The following SAMD5 variants were observed in gnomAD, a reference collection of about 807,000 sequenced individuals.
SAMD5 encodes sterile alpha motif domain containing 5, also known as sterile alpha motif domain-containing protein 5.
In SAMD5, 13 loss-of-function variants were observed where a neutral mutation model predicts 11.3. The ratio of observed to expected loss-of-function variants is 1.15; its 90% CI spans 0.75 to 1.83. The LOEUF (loss-of-function observed/expected upper bound fraction) is 1.83, where lower values mean the gene tolerates loss of function less well. Among genes scored for constraint, SAMD5 ranks in the 40% most tolerant of loss-of-function variants. The pLI is 0.00. For missense variants in SAMD5, 255 were observed against 239.1 expected (o/e 1.07, Z -0.44); for synonymous variants, 129 against 111.3 (o/e 1.16, Z -1.00).
At chr6:147,680,802 TA>T (rs1258281923) in intron 1 of SAMD5, among the ~76,000 whole-genome samples, 4 of 152,164 alleles carry the variant, frequency 2.6e-5, no homozygotes, top group Non-Finnish European at 5.9e-5. Context: ...TTAACATGAT[TA>T]AAATTTGGAT....
At chr6:147,708,720 G>A (rs769601348) in intron 1 of SAMD5, among the ~76,000 whole-genome samples, 8 of 152,120 alleles carry the variant, frequency 5.3e-5, no homozygotes, top group East Asian at 1.9e-4. Flanking sequence ...TTTATGGATC[G>A]ACTGTATCCA....
the SAMD5 span, among the ~76,000 whole-genome samples, chr6:147,854,612 CA>C: frequency 6.6e-6 from 1 of 152,218 alleles, no homozygotes; most frequent in Middle Eastern, 3.4e-3. Context: ...TAAATGTTAT[CA>C]ACAATGCTGT....
the SAMD5 span, among the ~76,000 whole-genome samples, chr6:147,774,175 A>C: frequency 2.0e-5 from 3 of 152,058 alleles, no homozygotes; most frequent in Non-Finnish European, 4.4e-5. Flanking sequence ...TAACCCATTC[A>C]TGAGGGCTCT....
chr6:147,939,095 CT>C, the SAMD5 span, among the ~76,000 whole-genome samples: 1 of 152,144 alleles, frequency 6.6e-6, no homozygotes, highest in Non-Finnish European at 1.5e-5. Context: ...CAGGTAGACA[CT>C]TTACTTACCA....
At chr6:147,756,835 G>A in the SAMD5 span, among the ~76,000 whole-genome samples, 1 of 152,160 alleles carries the variant, frequency 6.6e-6, no homozygotes, top group African/African-American at 2.4e-5. Context: ...TCTGATAGTC[G>A]TGTCGTGTAG....
At chr6:147,709,071 T>C (rs938476618) in intron 1 of SAMD5, among the ~76,000 whole-genome samples, 4 of 152,238 alleles carry the variant, frequency 2.6e-5, no homozygotes, top group African/African-American at 9.6e-5. Flanking sequence ...TTTTTTTAAA[T>C]ATCAGCTTTA....
At chr6:147,817,036 C>T in the SAMD5 span, among the ~76,000 whole-genome samples, 2 of 152,074 alleles carry the variant, frequency 1.3e-5, no homozygotes, top group Admixed American at 6.6e-5. Context: ...ATGGAGACCC[C>T]GCCTGGTTCA....
In SAMD5 at chr6:147,565,477, T is replaced by C. The variant is rs1789022433; in HGVS notation, c.*1021T>C. 1.0e-6 allele frequency: 1 copy of C among 955,852 alleles called. No homozygotes were observed. 59.2% of individuals were successfully genotyped at this position (955,852 alleles called of 1,614,324 possible). ...TGGATGCTGGTAGTTTTTTTTTTTT[T>C]AGACAGAGTCTCGCTCTGTCACCCA... is the stretch of plus-strand genomic sequence containing the variant. On this transcript the variant is annotated 3_prime_UTR_variant, in exon 2 of 2. Coordinates refer to ENST00000367474, the MANE Select transcript of SAMD5 (RefSeq NM_001030060.3).
chr6:147,582,903 C>T (rs1488545591), intron 1 of SAMD5, among the ~76,000 whole-genome samples: 1 of 152,146 alleles, frequency 6.6e-6, no homozygotes, highest in Admixed American at 6.5e-5. Flanking sequence ...GTAACGTGTG[C>T]CTACCACAGT....
the SAMD5 span, among the ~76,000 whole-genome samples, chr6:147,756,061 A>C: frequency 6.6e-6 from 1 of 152,110 alleles, no homozygotes; most frequent in African/African-American, 2.4e-5. Flanking sequence ...GAATTTTGGA[A>C]AGAATCAAAA....
chr6:147,843,814 C>T, the SAMD5 span, among the ~76,000 whole-genome samples: 24 of 152,232 alleles, frequency 1.6e-4, no homozygotes, highest in Non-Finnish European at 2.6e-4. Context: ...AAAATTATCC[C>T]TTATCTGACC....
At chr6:147,582,314 C>T (rs1789310330) in intron 1 of SAMD5, among the ~76,000 whole-genome samples, 1 of 140,534 alleles carries the variant, frequency 7.1e-6, no homozygotes, top group African/African-American at 2.7e-5. Context: ...TTGCAATGAG[C>T]TGAGATCCGC....
At chr6:147,616,964 A>G (rs1187338509) in intron 1 of SAMD5, among the ~76,000 whole-genome samples, 4 of 152,192 alleles carry the variant, frequency 2.6e-5, no homozygotes, top group Non-Finnish European at 5.9e-5. Context: ...TTACAGTTTG[A>G]GGCGAGATTT....
chr6:147,712,873 A>C (rs1164483943), intron 1 of SAMD5, among the ~76,000 whole-genome samples: 1 of 152,214 alleles, frequency 6.6e-6, no homozygotes, highest in African/African-American at 2.4e-5. Context: ...AGCAGACTAA[A>C]ATAATCCTAC....
the SAMD5 span, among the ~76,000 whole-genome samples, chr6:147,804,685 G>GGGGTA: frequency 6.6e-6 from 1 of 152,180 alleles, no homozygotes; most frequent in African/African-American, 2.4e-5. Context: ...AAAAAAGGGA[G>GGGGTA]GGGTAGTATC....
chr6:147,579,054 G>C (rs1195861964), intron 1 of SAMD5, among the ~76,000 whole-genome samples: 1 of 152,218 alleles, frequency 6.6e-6, no homozygotes, highest in East Asian at 1.9e-4. Flanking sequence ...ATCAAGTCCT[G>C]ACAAATTCCT....
chr6:147,621,099 C>T (rs769522138), intron 1 of SAMD5, among the ~76,000 whole-genome samples: 3 of 152,018 alleles, frequency 2.0e-5, no homozygotes, highest in Non-Finnish European at 2.9e-5. Context: ...TCTTACGTGT[C>T]GGGCTAATCA....
At chr6:147,804,336 TC>T in the SAMD5 span, among the ~76,000 whole-genome samples, 5 of 152,082 alleles carry the variant, frequency 3.3e-5, no homozygotes, top group Non-Finnish European at 5.9e-5. Flanking sequence ...GGTCTCGATC[TC>T]CTGACCTTGT....
At chr6:147,604,543 A>G (rs1400061265) in intron 1 of SAMD5, among the ~76,000 whole-genome samples, 1 of 152,222 alleles carries the variant, frequency 6.6e-6, no homozygotes, top group African/African-American at 2.4e-5. Flanking sequence ...AGCCCATGCC[A>G]GCAGCATTAG....
Sources: allele counts gnomAD v4.1 joint callset (sites outside exome capture counted in the v4.1 genomes callset), GRCh38; gene constraint gnomAD v4.1.1; transcripts MANE v1.5; gene names NCBI Gene and HGNC (gene_info 2026-07-23, HGNC 2026-07-21).